Variants in TENM2 observed in about 807,000 individuals in gnomAD.
TENM2 encodes teneurin-2.
In TENM2, 52 loss-of-function variants were observed where a neutral mutation model predicts 245.2. The ratio of observed to expected loss-of-function variants is 0.21; its 90% CI spans 0.17 to 0.27. The LOEUF (loss-of-function observed/expected upper bound fraction) is 0.27, where lower values mean the gene tolerates loss of function less well. TENM2 is among the 10% of genes least tolerant of loss of function. The pLI, the probability that TENM2 is intolerant of heterozygous loss-of-function variation, is 1.00. For missense variants in TENM2, 3,046 were observed against 3,666.8 expected, an observed-to-expected ratio of 0.83 and a Z score of 4.37; for synonymous variants, 1,363 against 1,438.9, an observed-to-expected ratio of 0.95 and a Z score of 1.19.
chr5:167,957,746 A>G lies in TENM2; in HGVS notation c.947+4924A>G, dbSNP rs958401119. On this transcript the variant is annotated intron_variant, in intron 4 of 28. Coordinates refer to ENST00000518659, the Ensembl canonical transcript of TENM2. ...TTTGTTATTTACCCAGTAGTCATTC[A>G]GGAGCAGATTGTTCAGTTTCCATGT... Among the ~76,000 whole-genome samples, 2 of 152,250 alleles carry G rather than the reference A, an allele frequency of 1.3e-5. 1 individual carries two copies. The highest frequency in any genetic ancestry group is 4.1e-4 in the South Asian group (2 of 4,828).
At chr5:167,863,517 G>T (rs1166116274) in intron 2 of TENM2, among the ~76,000 whole-genome samples, 1 of 151,896 alleles carries the variant, frequency 6.6e-6, no homozygotes, top group Admixed American at 6.6e-5. Context: ...GGTGGCATGT[G>T]CCTGTAATCC....
rs369477271 is a variant in TENM2, at chr5:168,254,880, C to T, written c.7433-5403C>T. On this transcript the variant is annotated intron_variant, in intron 27 of 28. Transcript: ENST00000518659. ...TGGCCAACATAGCAAAACTCCTTCTCTACTAAAAATACAAAAATTAGCGGG... is the reference window on the plus strand; with the variant it reads ...TGGCCAACATAGCAAAACTCCTTCTTTACTAAAAATACAAAAATTAGCGGG... Among the ~76,000 whole-genome samples the T allele has an allele frequency of 3.3e-5, 5 of 152,166 alleles. No homozygotes were observed. In the East Asian group the frequency reaches 9.7e-4, roughly 30 times the overall value.
At chr5:167,893,818 G>A (rs879430666) in intron 3 of TENM2, among the ~76,000 whole-genome samples, 6 of 152,068 alleles carry the variant, frequency 3.9e-5, no homozygotes, top group Non-Finnish European at 7.4e-5. Flanking sequence ...ACTAAGTTTG[G>A]TGTGTCAGCC....
At chr5:167,062,537 T>A in the TENM2 span, among the ~76,000 whole-genome samples, 1 of 151,706 alleles carries the variant, frequency 6.6e-6, no homozygotes, top group East Asian at 1.9e-4. Flanking sequence ...AAAGAAAGAA[T>A]CAAGGAATTA....
At chr5:168,142,045 G>A (rs956846324) in intron 12 of TENM2, among the ~76,000 whole-genome samples, 2 of 152,194 alleles carry the variant, frequency 1.3e-5, no homozygotes, top group Non-Finnish European at 2.9e-5. Context: ...CAGTAAAACC[G>A]AAAGAGTTCA....
chr5:167,053,107 C>T, the TENM2 span, among the ~76,000 whole-genome samples: 1 of 152,190 alleles, frequency 6.6e-6, no homozygotes, highest in African/African-American at 2.4e-5. Context: ...TCTCCTTCTC[C>T]TCCCATTTCT....
At position 167,703,530 on chromosome 5, in the gene TENM2, C is replaced by CAAAAAAAAAA. The variant is rs747603141; in HGVS notation, c.503-172448_503-172439dup. On this transcript the variant is annotated intron_variant, in intron 2 of 28. Coordinates refer to ENST00000518659, the Ensembl canonical transcript of TENM2. ...CTGGGTGACAAGAGTGAAACCATCT[C>CAAAAAAAAAA]AAAAAAAAAAAAAAAAAGGCTACAT... Among the ~76,000 whole-genome samples the CAAAAAAAAAA allele has an allele frequency of 8.8e-3, 849 of 96,998 alleles. 25 individuals carry two copies. The highest frequency in any genetic ancestry group is 0.026 in the African/African-American group (805 of 30,910). 63.6% of individuals were successfully genotyped at this position (96,998 alleles called of 152,430 possible).
intron 2 of TENM2, among the ~76,000 whole-genome samples, chr5:167,841,978 C>G (rs1239807194): frequency 6.6e-6 from 1 of 152,052 alleles, no homozygotes; most frequent in Non-Finnish European, 1.5e-5. Flanking sequence ...TATACACACA[C>G]ATACATGCAG....
the TENM2 span, among the ~76,000 whole-genome samples, chr5:167,094,276 C>T: frequency 6.6e-6 from 1 of 152,102 alleles, no homozygotes; most frequent in Non-Finnish European, 1.5e-5. Context: ...AAACCATCAT[C>T]ATAATAAATT....
intron 28 of TENM2, 36 bp downstream of exon 30, chr5:168,260,449 G>A (rs1368812811): frequency 3.6e-5 from 58 of 1,609,598 alleles, no homozygotes; most frequent in Non-Finnish European, 4.9e-5. Context: ...CCAAATGATT[G>A]TCATCATTCC....
chr5:167,158,674 G>A, the TENM2 span, among the ~76,000 whole-genome samples: 2 of 152,102 alleles, frequency 1.3e-5, no homozygotes, highest in Non-Finnish European at 2.9e-5. Context: ...GAGAGCACAT[G>A]TAAGCTCTCC....
At chr5:167,336,487 G>T (rs1739896265) in intron 1 of TENM2, among the ~76,000 whole-genome samples, 2 of 151,350 alleles carry the variant, frequency 1.3e-5, no homozygotes, top group Admixed American at 6.6e-5. Context: ...GAAGAAAGTT[G>T]AAGAAAGCCC....
At chr5:167,992,319 A>T (rs1012255446) in intron 4 of TENM2, among the ~76,000 whole-genome samples, 16 of 152,246 alleles carry the variant, frequency 1.1e-4, no homozygotes, top group Admixed American at 4.6e-4. Context: ...TAAAAATTTT[A>T]AAAAATAATG....
chr5:167,273,502 C>T, the TENM2 span, among the ~76,000 whole-genome samples: 2 of 152,130 alleles, frequency 1.3e-5, no homozygotes, highest in East Asian at 3.9e-4. Flanking sequence ...AGTGCTTACT[C>T]ATCATAAGCA....
intron 2 of TENM2, among the ~76,000 whole-genome samples, chr5:167,650,603 T>C (rs886625432): frequency 2.0e-5 from 3 of 152,120 alleles, no homozygotes; most frequent in Non-Finnish European, 1.5e-5. Context: ...TTTAGATAAC[T>C]ACAAGTAACA....
intron 25 of TENM2, among the ~76,000 whole-genome samples, chr5:168,237,624 C>A (rs1350659987): frequency 6.6e-6 from 1 of 152,080 alleles, no homozygotes; most frequent in Non-Finnish European, 1.5e-5. Context: ...TTCCACCTGA[C>A]CTCCATCCAA....
chr5:167,452,931 T>TTA (rs1554157697), intron 2 of TENM2, among the ~76,000 whole-genome samples: 357 of 4,872 alleles, frequency 0.073, 15 homozygotes, highest in African/African-American at 0.13. Flanking sequence ...AAAGTATGAT[T>TTA]TATATATATA....
At chr5:167,710,770 A>G (rs530734529) in intron 2 of TENM2, among the ~76,000 whole-genome samples, 2 of 152,344 alleles carry the variant, frequency 1.3e-5, no homozygotes, top group East Asian at 3.9e-4. Flanking sequence ...AAGGAATGAC[A>G]CAGTCAAGCT....
intron 2 of TENM2, among the ~76,000 whole-genome samples, chr5:167,405,115 T>A (rs1333268970): frequency 6.6e-6 from 1 of 152,198 alleles, no homozygotes; most frequent in Non-Finnish European, 1.5e-5. Context: ...ATGTGTCAGT[T>A]CTTTATTCCT....
Sources: gnomAD v4.1 joint callset for allele counts (sites outside exome capture counted in the v4.1 genomes callset) on GRCh38, gnomAD v4.1.1 for gene constraint, MANE v1.5 for transcripts, NCBI Gene and HGNC (gene_info 2026-07-23, HGNC 2026-07-21) for gene names.